LEKR1: variants seen among roughly 807,000 people sequenced by gnomAD.
LEKR1 encodes the protein protein LEKR1.
LEKR1 carries 59 observed loss-of-function variants against 72.4 expected under a neutral mutation model. The ratio of observed to expected loss-of-function variants is 0.82; its 90% CI spans 0.66 to 1.01. LEKR1 has a LOEUF of 1.01. Ranked by LOEUF, LEKR1 falls within the 50% of genes least tolerant of loss-of-function variation. The pLI is 0.00. For synonymous variants in LEKR1, 257 were observed against 263.2 expected, an observed-to-expected ratio of 0.98 and a Z score of 0.23; for missense variants, 728 against 759.2, an observed-to-expected ratio of 0.96 and a Z score of 0.48.
chr3:157,012,960 T>A (rs1482860), intron 10 of LEKR1, among the ~76,000 whole-genome samples: 110,877 of 151,920 alleles, frequency 0.73, 40,976 homozygotes, highest in East Asian at 0.93. Context: ...AAAATATTCA[T>A]ATTAGAGCAA....
chr3:156,867,709 G>A lies in LEKR1; in HGVS notation c.263+14727G>A, dbSNP rs555956754. ...CTGTCTTATTTTGTATTTTGTGTGT[G>A]TGTTTGTGTTCTTAAGTCTCAGCTT... On this transcript the variant is annotated intron_variant, in intron 3 of 12. Transcript: ENST00000356539. 2.0e-4 allele frequency among the ~76,000 whole-genome samples: 30 copies of A among 152,108 alleles called. 1 individual carries two copies. The South Asian group carries it at 6.2e-3, about 32-fold the overall frequency.
chr3:157,000,869 GT>G (rs1196152679), intron 9 of LEKR1, among the ~76,000 whole-genome samples: 1 of 152,180 alleles, frequency 6.6e-6, no homozygotes, highest in African/African-American at 2.4e-5. Context: ...ATAGGTGGAG[GT>G]AATTGAATCG....
intron 3 of LEKR1, among the ~76,000 whole-genome samples, chr3:156,916,466 A>T (rs1723662740): frequency 6.6e-6 from 1 of 151,492 alleles, no homozygotes; most frequent in African/African-American, 2.4e-5. Flanking sequence ...CATTGTAGAG[A>T]TTTTTTACCT....
chr3:156,902,455 A>G (rs1401204447), intron 3 of LEKR1, among the ~76,000 whole-genome samples: 1 of 152,192 alleles, frequency 6.6e-6, no homozygotes, highest in Non-Finnish European at 1.5e-5. Context: ...TGTTTTCTGT[A>G]ATAATTTTAA....
chr3:156,964,646 A>G (rs1728407098), intron 6 of LEKR1, among the ~76,000 whole-genome samples: 1 of 152,140 alleles, frequency 6.6e-6, no homozygotes, highest in Admixed American at 6.6e-5. Flanking sequence ...TTTTACTGCC[A>G]TCCTAGCACA....
chr3:156,969,640 A>C (rs1728972462), intron 6 of LEKR1, among the ~76,000 whole-genome samples: 1 of 151,826 alleles, frequency 6.6e-6, no homozygotes. Flanking sequence ...ATAGCTTACC[A>C]ACCAAAAAAA....
At chr3:156,855,516 A>G (rs1030458043) in intron 3 of LEKR1, among the ~76,000 whole-genome samples, 13 of 152,112 alleles carry the variant, frequency 8.5e-5, no homozygotes, top group African/African-American at 3.1e-4. Context: ...TAATATTGGC[A>G]TTATACTGTG....
intron 6 of LEKR1, among the ~76,000 whole-genome samples, chr3:156,964,143 T>C (rs1168603003): frequency 6.6e-6 from 1 of 152,216 alleles, no homozygotes; most frequent in South Asian, 2.1e-4. Context: ...ATGTTCACTA[T>C]TGATTAGGAA....
intron 6 of LEKR1, among the ~76,000 whole-genome samples, chr3:156,974,589 T>C (rs1185217255): frequency 1.3e-5 from 2 of 152,072 alleles, no homozygotes; most frequent in Non-Finnish European, 2.9e-5. Context: ...CCCACTACCC[T>C]CCAAAAAGCT....
intron 3 of LEKR1, among the ~76,000 whole-genome samples, chr3:156,868,393 C>T (rs1410818388): frequency 2.0e-5 from 3 of 151,938 alleles, no homozygotes; most frequent in Admixed American, 6.6e-5. Flanking sequence ...TGATTACTCC[C>T]GGGCTTTGTC....
At chr3:156,882,640 T>C (rs1719540642) in intron 3 of LEKR1, among the ~76,000 whole-genome samples, 1 of 152,164 alleles carries the variant, frequency 6.6e-6, no homozygotes, top group South Asian at 2.1e-4. Flanking sequence ...GACCTAGCCA[T>C]CCCATTACTG....
At chr3:156,930,070 C>A (rs1725067950) in intron 5 of LEKR1, among the ~76,000 whole-genome samples, 2 of 152,060 alleles carry the variant, frequency 1.3e-5, no homozygotes, top group Non-Finnish European at 2.9e-5. Flanking sequence ...ACAGCTTTTC[C>A]AGTTAAATTG....
intron 3 of LEKR1, among the ~76,000 whole-genome samples, chr3:156,858,331 A>G (rs1442671456): frequency 6.6e-6 from 1 of 152,156 alleles, no homozygotes; most frequent in African/African-American, 2.4e-5. Flanking sequence ...GCCTTTTTAA[A>G]GAACCAGATT....
In LEKR1 at chr3:156,829,334, A is replaced by G. The variant is rs554363692; in HGVS notation, c.5A>G (p.Asp2Gly). Reference sequence around the variant, plus strand: ...CTCACCATATTTTGGGAAGTTATGGATCATCACATTCCCATGCATGCGTTG... The same window carrying G: ...CTCACCATATTTTGGGAAGTTATGGGTCATCACATTCCCATGCATGCGTTG... Reference protein sequence around the residue: MDHHIPMHALPE... With the variant: MGHHIPMHALPE... The change falls in exon 2 of 13, where the codon GAT (aspartate) becomes GGT (glycine). Residue 2 changes from aspartate (D) to glycine (G), a missense_variant. Transcript: ENST00000356539. 1.7e-4 allele frequency: 267 copies of G among 1,533,964 alleles called. No individual in the cohort carries two copies. Among genetic ancestry groups the G allele is most frequent in the Non-Finnish European group, 2.1e-4 (245 of 1,145,052 alleles).
Position 156,920,682 on chromosome 3 carries a change from CAT to C in LEKR1, c.373_374del (p.Tyr125HisfsTer15). On this transcript the variant is annotated frameshift_variant, in exon 4 of 13. Coordinates refer to ENST00000356539, the MANE Select transcript of LEKR1 (RefSeq NM_001004316.3). LOFTEE classifies it high-confidence loss of function. Reference sequence around the variant, plus strand: ...GAGCTAAAAATTAAATATAGACAATCATACATCTTCAGGTAAGATTAAAGAAC... The same window carrying C: ...GAGCTAAAAATTAAATATAGACAATCACATCTTCAGGTAAGATTAAAGAAC... 4 of 1,384,596 alleles carry C rather than the reference CAT, an allele frequency of 2.9e-6. No individual in the cohort carries two copies. The highest frequency in any genetic ancestry group is 3.9e-6 in the Non-Finnish European group (4 of 1,023,358). 85.8% of individuals were successfully genotyped at this position (1,384,596 alleles called of 1,614,324 possible). A position where few individuals can be genotyped will look rare whatever the true frequency, so the allele number is the denominator to read the frequency against.
At chr3:156,874,128 A>T (rs75389471) in intron 3 of LEKR1, among the ~76,000 whole-genome samples, 4,840 of 151,966 alleles carry the variant, frequency 0.032, 116 homozygotes, top group Non-Finnish European at 0.048. Context: ...CGTCTACTTG[A>T]TCTACTCTAT....
chr3:156,916,167 G>A lies in LEKR1; in HGVS notation c.264-4408G>A, dbSNP rs540649402. 7.2e-5 allele frequency among the ~76,000 whole-genome samples: 11 copies of A among 152,162 alleles called. No individual in the cohort carries two copies. In the South Asian group the frequency reaches 1.5e-3, roughly 20 times the overall value. ...ATGCTGTTTTGCTTACTGTAGCCCC[G>A]TAGCATAGTTTGAAGTTGGATAGTG... On this transcript the variant is annotated intron_variant, in intron 3 of 12. Coordinates refer to ENST00000356539, the MANE Select transcript of LEKR1 (RefSeq NM_001004316.3).
intron 6 of LEKR1, among the ~76,000 whole-genome samples, chr3:156,973,564 G>T (rs562129127): frequency 1.3e-5 from 2 of 152,122 alleles, no homozygotes; most frequent in Non-Finnish European, 2.9e-5. Context: ...AAAATAACTG[G>T]GTCACATGCT....
At chr3:157,002,133 T>C (rs2108016011) in intron 9 of LEKR1, among the ~76,000 whole-genome samples, 1 of 152,306 alleles carries the variant, frequency 6.6e-6, no homozygotes, top group East Asian at 1.9e-4. Context: ...AATCTAAATC[T>C]GTGTCGTTTC....
Sources: gnomAD v4.1 joint callset for allele counts (sites outside exome capture counted in the v4.1 genomes callset) on GRCh38, gnomAD v4.1.1 for gene constraint, MANE v1.5 for transcripts, NCBI Gene and HGNC (gene_info 2026-07-23, HGNC 2026-07-21) for gene names.